Variants in DCLK1 observed in about 807,000 individuals in gnomAD.
The protein encoded by DCLK1 is doublecortin like kinase 1.
In DCLK1, 16 loss-of-function variants were observed where a neutral mutation model predicts 86.2. The ratio of observed to expected loss-of-function variants is 0.19; its 90% CI spans 0.13 to 0.28. DCLK1 has a LOEUF of 0.28. Ranked by LOEUF, DCLK1 falls within the 10% of genes least tolerant of loss-of-function variation. The pLI, the probability that DCLK1 is intolerant of heterozygous loss-of-function variation, is 1.00. For synonymous variants in DCLK1, 369 were observed against 370.5 expected, an observed-to-expected ratio of 1.00 and a Z score of 0.05; for missense variants, 590 against 940.2, an observed-to-expected ratio of 0.63 and a Z score of 4.87.
chr13:36,055,318 C>T (rs1033321874), intron 3 of DCLK1, among the ~76,000 whole-genome samples: 2 of 152,114 alleles, frequency 1.3e-5, no homozygotes, highest in African/African-American at 4.8e-5. Context: ...GCTCCTCTGC[C>T]CTCTGTTGTG....
chr13:35,866,085 C>T (rs1432973625), intron 5 of DCLK1, among the ~76,000 whole-genome samples: 2 of 152,188 alleles, frequency 1.3e-5, no homozygotes, highest in Middle Eastern at 3.4e-3. Context: ...GTGCCAGCCC[C>T]GAGTTGCCAT....
intron 3 of DCLK1, among the ~76,000 whole-genome samples, chr13:35,994,931 T>C (rs990698915): frequency 6.6e-6 from 1 of 152,152 alleles, no homozygotes; most frequent in East Asian, 1.9e-4. Context: ...ATGACGGCAA[T>C]AAGAAATGGC....
At chr13:35,803,971 C>T (rs1298489393) in intron 15 of DCLK1, among the ~76,000 whole-genome samples, 3 of 152,122 alleles carry the variant, frequency 2.0e-5, no homozygotes, top group Non-Finnish European at 4.4e-5. Context: ...CCCCATCTGT[C>T]AGTGGGGATT....
chr13:36,093,963 A>G (rs1884919370), intron 3 of DCLK1, among the ~76,000 whole-genome samples: 1 of 152,262 alleles, frequency 6.6e-6, no homozygotes, highest in South Asian at 2.1e-4. Context: ...CATATTGTCC[A>G]GTATGGTATC....
intron 16 of DCLK1, among the ~76,000 whole-genome samples, chr13:35,792,878 A>C (rs139177610): frequency 6.6e-6 from 1 of 152,360 alleles, no homozygotes; most frequent in African/African-American, 2.4e-5. Flanking sequence ...GGGTGTTCAC[A>C]GTAATTCAAT....
At chr13:35,958,181 AACCACCACT>A (rs1477913815) in intron 3 of DCLK1, among the ~76,000 whole-genome samples, 2 of 108,194 alleles carry the variant, frequency 1.8e-5, no homozygotes, top group African/African-American at 4.0e-5. Flanking sequence ...TCACCACTAT[AACCACCACT>A]ACCACCACCA....
At chr13:35,930,960 T>C (rs1251794426) in intron 4 of DCLK1, among the ~76,000 whole-genome samples, 1 of 152,198 alleles carries the variant, frequency 6.6e-6, no homozygotes, top group Non-Finnish European at 1.5e-5. Context: ...ATTCATGAAT[T>C]GCTGTCTGTT....
intron 3 of DCLK1, among the ~76,000 whole-genome samples, chr13:35,951,485 C>G (rs766919703): frequency 6.7e-6 from 1 of 150,328 alleles, no homozygotes; most frequent in Non-Finnish European, 1.5e-5. Context: ...CTCCTATAGC[C>G]TATTGCTCAG....
intron 2 of DCLK1, among the ~76,000 whole-genome samples, chr13:36,115,207 A>T (rs192699153): frequency 6.4e-4 from 98 of 152,282 alleles, no homozygotes; most frequent in Admixed American, 5.8e-3. Context: ...CAAAATAACA[A>T]GATAAAGTAA....
intron 3 of DCLK1, among the ~76,000 whole-genome samples, chr13:35,967,360 A>G (rs1878824812): frequency 6.6e-6 from 1 of 152,230 alleles, no homozygotes; most frequent in Non-Finnish European, 1.5e-5. Context: ...GGCCATGATG[A>G]CGATGGCGGT....
chr13:35,936,547 G>A (rs1876759773), intron 4 of DCLK1, among the ~76,000 whole-genome samples: 1 of 152,196 alleles, frequency 6.6e-6, no homozygotes, highest in Non-Finnish European at 1.5e-5. Flanking sequence ...TCCAAAAGAG[G>A]GGCGATGCTC....
chr13:35,800,707 C>A (rs2086901236), intron 15 of DCLK1, among the ~76,000 whole-genome samples: 1 of 151,800 alleles, frequency 6.6e-6, no homozygotes, highest in Admixed American at 6.6e-5. Flanking sequence ...TTTCCTTTTT[C>A]TTTCTTTCTT....
At chr13:36,107,116 T>C (rs1353963490) in intron 3 of DCLK1, among the ~76,000 whole-genome samples, 2 of 144,430 alleles carry the variant, frequency 1.4e-5, no homozygotes, top group Non-Finnish European at 3.0e-5. Context: ...TAACAGGCAA[T>C]GAGGATTCAT....
chr13:36,057,192 A>G (rs1360814752), intron 3 of DCLK1, among the ~76,000 whole-genome samples: 1 of 152,176 alleles, frequency 6.6e-6, no homozygotes, highest in African/African-American at 2.4e-5. Context: ...AAACCACATC[A>G]GTGATATGTT....
At chr13:35,914,354 T>TATATATATGTATATATATATATAC (rs1566600270) in intron 4 of DCLK1, among the ~76,000 whole-genome samples, 1 of 17,520 alleles carries the variant, frequency 5.7e-5, no homozygotes, top group African/African-American at 2.0e-4. Context: ...TATATACATA[T>TATATATATGTATATATATATATAC]ATATATATAT....
chr13:35,972,624 G>C (rs963067719), intron 3 of DCLK1, among the ~76,000 whole-genome samples: 3 of 152,126 alleles, frequency 2.0e-5, no homozygotes, highest in Non-Finnish European at 4.4e-5. Context: ...GCATGTTAGA[G>C]AGGTAGCAAG....
chr13:35,810,812 T>C (rs752923354), intron 12 of DCLK1, 23 bp downstream of exon 12: 1 of 1,612,210 alleles, frequency 6.2e-7, no homozygotes, highest in Non-Finnish European at 8.5e-7. Flanking sequence ...AGCATAGCAC[T>C]TAAACATAAG....
intron 3 of DCLK1, among the ~76,000 whole-genome samples, chr13:35,954,174 A>G (rs956003522): frequency 2.6e-5 from 4 of 152,118 alleles, no homozygotes; most frequent in African/African-American, 9.7e-5. Context: ...TAACAGTTTA[A>G]TGAGATGCTC....
intron 3 of DCLK1, among the ~76,000 whole-genome samples, chr13:36,102,073 G>A (rs931582014): frequency 6.6e-6 from 1 of 152,032 alleles, no homozygotes; most frequent in African/African-American, 2.4e-5. Flanking sequence ...TACTGATGAA[G>A]CATACACCTG....
Sources: allele counts gnomAD v4.1 joint callset (sites outside exome capture counted in the v4.1 genomes callset), GRCh38; gene constraint gnomAD v4.1.1; transcripts MANE v1.5; gene names NCBI Gene and HGNC (gene_info 2026-07-23, HGNC 2026-07-21).